Variants in CDH18 observed in about 807,000 individuals in gnomAD.
The protein encoded by CDH18 is cadherin-18.
CDH18 carries 31 observed loss-of-function variants against 67.9 expected under a neutral mutation model. The observed-to-expected ratio is 0.46, with a 90% CI of 0.34 to 0.62. The LOEUF (loss-of-function observed/expected upper bound fraction) is 0.62. CDH18 is among the 20% of genes least tolerant of loss of function. CDH18 has a pLI of 0.01. For missense variants in CDH18, 890 were observed against 975.5 expected, an observed-to-expected ratio of 0.91 and a Z score of 1.17; for synonymous variants, 362 against 347.2, an observed-to-expected ratio of 1.04 and a Z score of -0.48.
intron 10 of CDH18, among the ~76,000 whole-genome samples, chr5:19,518,515 T>TCTAATCAGCTGCCAGA (rs145052734): frequency 0.096 from 14,604 of 151,818 alleles, 1,122 homozygotes; most frequent in African/African-American, 0.22. Context: ...GTGGGCACCA[T>TCTAATCAGCTGCCAGA]CTAATCAGCT....
chr5:19,963,477 T>C (rs79393885), intron 2 of CDH18, among the ~76,000 whole-genome samples: 4,428 of 152,064 alleles, frequency 0.029, 250 homozygotes, highest in East Asian at 0.22. Flanking sequence ...AATTGAATCA[T>C]GGGGATGGTT....
chr5:19,705,553 T>A (rs942222143), intron 5 of CDH18, among the ~76,000 whole-genome samples: 1 of 152,136 alleles, frequency 6.6e-6, no homozygotes, highest in Non-Finnish European at 1.5e-5. Flanking sequence ...CTCAAATAGA[T>A]AAAATAGATC....
intron 2 of CDH18, among the ~76,000 whole-genome samples, chr5:19,920,617 G>A (rs541457854): frequency 1.4e-5 from 2 of 146,676 alleles, no homozygotes; most frequent in South Asian, 4.3e-4. Flanking sequence ...GGTTTCAAAC[G>A]ATTCTCCTGC....
At chr5:19,708,445 C>CA (rs911441815) in intron 5 of CDH18, among the ~76,000 whole-genome samples, 7 of 148,744 alleles carry the variant, frequency 4.7e-5, no homozygotes, top group Admixed American at 2.0e-4. Context: ...TATCATCTTG[C>CA]AAAAAAAAAG....
At chr5:20,059,901 C>CA (rs1742307119) in intron 2 of CDH18, among the ~76,000 whole-genome samples, 2 of 148,176 alleles carry the variant, frequency 1.3e-5, no homozygotes, top group South Asian at 2.1e-4. Flanking sequence ...CACATGTTCT[C>CA]ATTCATAAGT....
chr5:20,494,505 C>A (rs914606722), intron 1 of CDH18, among the ~76,000 whole-genome samples: 1 of 151,738 alleles, frequency 6.6e-6, no homozygotes, highest in African/African-American at 2.4e-5. Flanking sequence ...TTTTCTATCT[C>A]AAAACTGTCT....
chr5:20,023,664 A>C (rs1738637972), intron 2 of CDH18, among the ~76,000 whole-genome samples: 1 of 151,500 alleles, frequency 6.6e-6, no homozygotes, highest in Non-Finnish European at 1.5e-5. Flanking sequence ...GTCTCAAAAA[A>C]AAAAAAAAAA....
intron 2 of CDH18, among the ~76,000 whole-genome samples, chr5:19,896,392 G>T (rs142942606): frequency 1.3e-5 from 2 of 152,162 alleles, no homozygotes; most frequent in East Asian, 3.9e-4. Flanking sequence ...GCTTATCCTA[G>T]ATTACTTGGG....
chr5:19,475,318 A>G (rs1738265033), intron 12 of CDH18, among the ~76,000 whole-genome samples: 2 of 151,972 alleles, frequency 1.3e-5, no homozygotes, highest in South Asian at 4.1e-4. Context: ...TTTAGTAAAC[A>G]TTATAGCTTA....
At chr5:19,833,312 C>T (rs1581558428) in intron 3 of CDH18, among the ~76,000 whole-genome samples, 1 of 151,638 alleles carries the variant, frequency 6.6e-6, no homozygotes. Context: ...TCATTCATGG[C>T]TCTCTCCTTG....
intron 2 of CDH18, among the ~76,000 whole-genome samples, chr5:19,936,751 A>C (rs940973011): frequency 4.6e-5 from 7 of 150,888 alleles, no homozygotes; most frequent in Admixed American, 6.6e-5. Context: ...TCTTTAGAAC[A>C]CTCTCCTCTT....
intron 1 of CDH18, among the ~76,000 whole-genome samples, chr5:20,449,354 AG>A (rs1230098722): frequency 1.3e-5 from 2 of 152,164 alleles, no homozygotes; most frequent in African/African-American, 4.8e-5. Flanking sequence ...AAGGCTAAAA[AG>A]AAAACATATT....
intron 2 of CDH18, among the ~76,000 whole-genome samples, chr5:20,212,033 G>C (rs1740394359): frequency 6.6e-6 from 1 of 152,046 alleles, no homozygotes; most frequent in Admixed American, 6.6e-5. Flanking sequence ...AAAAACCTTG[G>C]AAAAAGATTA....
intron 2 of CDH18, among the ~76,000 whole-genome samples, chr5:20,016,461 T>C (rs987786735): frequency 6.6e-6 from 1 of 152,062 alleles, no homozygotes; most frequent in Admixed American, 6.5e-5. Flanking sequence ...GAACCAAAAA[T>C]AAAAGTTTTT....
At chr5:19,668,224 T>C (rs1300737231) in intron 5 of CDH18, among the ~76,000 whole-genome samples, 1 of 152,058 alleles carries the variant, frequency 6.6e-6, no homozygotes, top group Non-Finnish European at 1.5e-5. Context: ...TGAGACAATA[T>C]TAAGCTATTC....
At chr5:20,111,756 G>A (rs1443251472) in intron 2 of CDH18, among the ~76,000 whole-genome samples, 1 of 151,812 alleles carries the variant, frequency 6.6e-6, no homozygotes, top group African/African-American at 2.4e-5. Flanking sequence ...TGCTGGGCAG[G>A]ATGGTCTCGA....
At chr5:19,821,685 A>G (rs973065636) in intron 3 of CDH18, among the ~76,000 whole-genome samples, 11 of 152,180 alleles carry the variant, frequency 7.2e-5, no homozygotes, top group African/African-American at 2.2e-4. Flanking sequence ...GTCAAAGTGA[A>G]AGAAAAAATC....
chr5:20,335,609 G>A (rs1273626517), intron 1 of CDH18, among the ~76,000 whole-genome samples: 1 of 152,026 alleles, frequency 6.6e-6, no homozygotes, highest in Non-Finnish European at 1.5e-5. Context: ...TTTCTTATCA[G>A]CATCTGAAAA....
intron 2 of CDH18, among the ~76,000 whole-genome samples, chr5:20,249,215 A>T (rs536754722): frequency 4.4e-4 from 66 of 149,962 alleles, no homozygotes; most frequent in African/African-American, 1.5e-3. Context: ...TGATTTTTTT[A>T]AATTATTTTT....
Sources: gnomAD v4.1 joint callset for allele counts (sites outside exome capture counted in the v4.1 genomes callset) on GRCh38, gnomAD v4.1.1 for gene constraint, MANE v1.5 for transcripts, NCBI Gene and HGNC (gene_info 2026-07-23, HGNC 2026-07-21) for gene names.